SNX29: variants seen among roughly 807,000 people sequenced by gnomAD.
SNX29 encodes the protein sorting nexin-29.
A neutral mutation model predicts 102.1 loss-of-function variants in SNX29; 78 were observed. The ratio of observed to expected loss-of-function variants is 0.76; its 90% CI spans 0.64 to 0.92. The LOEUF (loss-of-function observed/expected upper bound fraction) is 0.92. Among genes scored for constraint, SNX29 ranks in the 40% least tolerant of loss-of-function variants. SNX29 has a pLI of 0.00. For missense variants in SNX29, 1,280 were observed against 1,061.7 expected, an observed-to-expected ratio of 1.21 and a Z score of -2.86; for synonymous variants, 580 against 414.5, an observed-to-expected ratio of 1.40 and a Z score of -4.85.
chr16:11,992,767 G>T (rs1007080971), intron 1 of SNX29, among the ~76,000 whole-genome samples: 4 of 152,108 alleles, frequency 2.6e-5, no homozygotes, highest in African/African-American at 9.7e-5. Context: ...TTCTTTTCTC[G>T]CTTGTACCTG....
At chr16:12,076,325 C>T (rs1427997168) in intron 10 of SNX29, among the ~76,000 whole-genome samples, 1 of 143,066 alleles carries the variant, frequency 7.0e-6, no homozygotes, top group Non-Finnish European at 1.5e-5. Flanking sequence ...TTTTTTGAGA[C>T]AGTCTTACTC....
intron 20 of SNX29, among the ~76,000 whole-genome samples, chr16:12,563,229 G>A (rs1185878947): frequency 6.6e-6 from 1 of 152,088 alleles, no homozygotes; most frequent in Admixed American, 6.6e-5. Context: ...CCCTGAAAGT[G>A]GCCTCCCCAT....
intron 18 of SNX29, among the ~76,000 whole-genome samples, chr16:12,429,799 T>C (rs2085238809): frequency 6.6e-6 from 1 of 152,286 alleles, no homozygotes; most frequent in East Asian, 1.9e-4. Context: ...TTTTCCTGAA[T>C]AGGTTTGTGG....
chr16:12,524,781 T>A lies in SNX29; in HGVS notation c.2258T>A (p.Val753Asp). 1 of 1,613,728 alleles carries A rather than the reference T, an allele frequency of 6.2e-7. No homozygotes were observed. Among genetic ancestry groups the A allele is most frequent in the Non-Finnish European group, 8.5e-7 (1 of 1,179,820 alleles). ...GTCATGAACAAAGTCATCCAGATGGTCCCCGAGTTCGCTGCCAGCCCCAAG... is the reference window on the plus strand; with the variant it reads ...GTCATGAACAAAGTCATCCAGATGGACCCCGAGTTCGCTGCCAGCCCCAAG... ...RSVMNKVIQMVPEFAASPKKE... is the reference protein window; with the variant it reads ...RSVMNKVIQMDPEFAASPKKE... Residue 753 changes from valine to aspartate, a missense_variant, in exon 20 of 21, where the codon GTC becomes GAC. Physicochemically the swap from Val to Asp is radical, Grantham distance 152. Transcript: ENST00000566228.
At chr16:11,982,993 C>G (rs970071817) in intron 1 of SNX29, among the ~76,000 whole-genome samples, 3 of 152,018 alleles carry the variant, frequency 2.0e-5, no homozygotes, top group African/African-American at 7.3e-5. Context: ...TGCAGTGCCA[C>G]TATCTTGGCT....
intron 18 of SNX29, among the ~76,000 whole-genome samples, chr16:12,435,190 C>T (rs545445863): frequency 6.6e-6 from 1 of 152,294 alleles, no homozygotes; most frequent in South Asian, 2.1e-4. Flanking sequence ...TCCTCTGTCT[C>T]CTCCCGTTTC....
At chr16:11,982,596 A>T (rs1171482136) in intron 1 of SNX29, among the ~76,000 whole-genome samples, 2 of 151,570 alleles carry the variant, frequency 1.3e-5, no homozygotes, top group African/African-American at 4.8e-5. Context: ...CGCCCAGCTA[A>T]TTTTTTGTAT....
At chr16:12,556,474 C>T (rs1016921773) in intron 20 of SNX29, 8 of 152,406 alleles carry the variant, frequency 5.2e-5, no homozygotes, top group Middle Eastern at 3.4e-3. Flanking sequence ...GCCAAAAGCA[C>T]AAGGAGGAGT....
intron 15 of SNX29, among the ~76,000 whole-genome samples, chr16:12,304,843 A>G (rs2080290140): frequency 6.6e-6 from 1 of 152,268 alleles, no homozygotes; most frequent in Non-Finnish European, 1.5e-5. Flanking sequence ...TGATGGCAGA[A>G]TATGATTTTA....
At chr16:12,558,328 CAAAG>C (rs2078502001) in intron 20 of SNX29, among the ~76,000 whole-genome samples, 1 of 149,832 alleles carries the variant, frequency 6.7e-6, no homozygotes, top group African/African-American at 2.4e-5. Context: ...TGGCTATCAA[CAAAG>C]AGACAAAGAG....
At chr16:12,481,513 G>GACAC (rs59650769) in intron 19 of SNX29, among the ~76,000 whole-genome samples, 3,118 of 125,612 alleles carry the variant, frequency 0.025, 48 homozygotes, top group East Asian at 0.056. Context: ...TATACATATA[G>GACAC]ACACACACAC....
chr16:12,458,325 A>G (rs2086625336), intron 18 of SNX29, among the ~76,000 whole-genome samples: 1 of 152,162 alleles, frequency 6.6e-6, no homozygotes, highest in Non-Finnish European at 1.5e-5. Context: ...ACAGGTCTCC[A>G]TAACACTGGG....
chr16:12,558,238 C>CT (rs71139602), intron 20 of SNX29, among the ~76,000 whole-genome samples: 105,111 of 152,072 alleles, frequency 0.69, 37,597 homozygotes, highest in Middle Eastern at 0.84. Context: ...TCAGCCCCCC[C>CT]AGTAGATGGT....
chr16:12,093,948 C>T (rs1189677218), intron 11 of SNX29: 1 of 152,144 alleles, frequency 6.6e-6, no homozygotes, highest in Non-Finnish European at 1.5e-5. Flanking sequence ...GTGGTAATTG[C>T]ACATAGTGTC....
At chr16:12,448,856 A>G (rs1048276312) in intron 18 of SNX29, among the ~76,000 whole-genome samples, 2 of 152,170 alleles carry the variant, frequency 1.3e-5, no homozygotes, top group African/African-American at 2.4e-5. Flanking sequence ...CTAACTAAGC[A>G]TCTTTCTTTG....
At chr16:12,453,089 C>T (rs1156616027) in intron 18 of SNX29, among the ~76,000 whole-genome samples, 1 of 152,166 alleles carries the variant, frequency 6.6e-6, no homozygotes, top group African/African-American at 2.4e-5. Context: ...TCCCACCCTT[C>T]ATTCTCCCAG....
At chr16:12,239,380 T>A (rs1271702668) in intron 14 of SNX29, among the ~76,000 whole-genome samples, 3 of 152,064 alleles carry the variant, frequency 2.0e-5, no homozygotes, top group African/African-American at 7.2e-5. Context: ...AGAACCCTCT[T>A]TGCTGGGTCG....
intron 9 of SNX29, 77 bp from the exon 10 acceptor site, chr16:12,068,980 C>G (rs886719615): frequency 1.4e-6 from 2 of 1,387,496 alleles, no homozygotes; most frequent in African/African-American, 2.9e-5. Flanking sequence ...GAGCCAATGT[C>G]TGCATTGTGT....
intron 20 of SNX29, among the ~76,000 whole-genome samples, chr16:12,548,484 G>A (rs1160192471): frequency 6.6e-6 from 1 of 152,224 alleles, no homozygotes; most frequent in Admixed American, 6.5e-5. Flanking sequence ...CTTTCAGGAT[G>A]ACTAGTCAGG....
Sources: gnomAD v4.1 joint callset for allele counts (sites outside exome capture counted in the v4.1 genomes callset) on GRCh38, gnomAD v4.1.1 for gene constraint, MANE v1.5 for transcripts, NCBI Gene and HGNC (gene_info 2026-07-23, HGNC 2026-07-21) for gene names.